The following THSD7A variants were observed in gnomAD, a reference collection of about 807,000 sequenced individuals.
The protein encoded by THSD7A is thrombospondin type-1 domain-containing protein 7A.
In THSD7A, 96 loss-of-function variants were observed where a neutral mutation model predicts 231.3. The observed-to-expected ratio is 0.41, with a 90% CI of 0.35 to 0.49. The LOEUF (loss-of-function observed/expected upper bound fraction) is 0.49. THSD7A is among the 20% of genes least tolerant of loss of function. THSD7A has a pLI of 0.05. For missense variants in THSD7A, 2,290 were observed against 2,070.2 expected (o/e 1.11, Z -2.06); for synonymous variants, 940 against 743.3 (o/e 1.26, Z -4.30).
chr7:11,552,805 TAAG>T (rs1304634837), intron 4 of THSD7A, among the ~76,000 whole-genome samples: 1 of 152,044 alleles, frequency 6.6e-6, no homozygotes, highest in African/African-American at 2.4e-5. Context: ...ATTTGCATAA[TAAG>T]ATTAGGGCTG....
At chr7:11,512,083 T>A (rs977365063) in intron 6 of THSD7A, among the ~76,000 whole-genome samples, 7 of 152,220 alleles carry the variant, frequency 4.6e-5, no homozygotes, top group Admixed American at 6.5e-5. Flanking sequence ...TGAACAAATT[T>A]AGAAGAAAAA....
intron 13 of THSD7A, among the ~76,000 whole-genome samples, chr7:11,435,064 A>T (rs979958446): frequency 2.6e-5 from 4 of 152,048 alleles, no homozygotes; most frequent in Non-Finnish European, 2.9e-5. Context: ...CATATCTGCT[A>T]AGTATTTATA....
At chr7:11,665,296 A>T (rs1783087085) in intron 1 of THSD7A, among the ~76,000 whole-genome samples, 1 of 152,036 alleles carries the variant, frequency 6.6e-6, no homozygotes, top group African/African-American at 2.4e-5. Context: ...ATTAATGTTA[A>T]TTGCCAATAA....
intron 1 of THSD7A, among the ~76,000 whole-genome samples, chr7:11,749,055 A>G (rs1029922450): frequency 6.6e-6 from 1 of 152,014 alleles, no homozygotes; most frequent in Non-Finnish European, 1.5e-5. Flanking sequence ...TGTTTAAACT[A>G]CAATTCAAAC....
chr7:11,462,064 A>G lies in THSD7A; in HGVS notation c.2448T>C (p.Asp816=), dbSNP rs779594284. The G allele has an allele frequency of 1.9e-6, 3 of 1,613,702 alleles. No individual in the cohort carries two copies. The highest frequency in any genetic ancestry group is 2.5e-6 in the Non-Finnish European group (3 of 1,179,728). Reference sequence around the variant, plus strand: ...CACAGGCCTTCTCTTCATAGAGGGGATCTGTGCAGTCTCGGCCCCCGTTGG... The same window carrying G: ...CACAGGCCTTCTCTTCATAGAGGGGGTCTGTGCAGTCTCGGCCCCCGTTGG... ...LPANGGRDCT[D]PLYEEKACEA... The change falls in exon 10 of 28, where the codon GAT becomes GAC. Residue 816 remains aspartate, a synonymous_variant. Transcript: ENST00000423059.
intron 1 of THSD7A, among the ~76,000 whole-genome samples, chr7:11,741,416 A>G (rs1782109008): frequency 6.6e-6 from 1 of 151,864 alleles, no homozygotes; most frequent in Non-Finnish European, 1.5e-5. Flanking sequence ...CCTTTCTTCC[A>G]TTGGTCAAGT....
chr7:11,800,697 G>A (rs1314517052), intron 1 of THSD7A, among the ~76,000 whole-genome samples: 2 of 152,316 alleles, frequency 1.3e-5, no homozygotes, highest in African/African-American at 4.8e-5. Flanking sequence ...TAGAAGCAGA[G>A]AATAGAATTT....
At chr7:11,585,700 C>T (rs139565824) in intron 4 of THSD7A, among the ~76,000 whole-genome samples, 5 of 152,200 alleles carry the variant, frequency 3.3e-5, no homozygotes, top group South Asian at 4.1e-4. Flanking sequence ...GAGCCTATTC[C>T]GTCAGTTTAG....
intron 19 of THSD7A, among the ~76,000 whole-genome samples, chr7:11,409,266 C>A (rs1255609804): frequency 1.3e-5 from 2 of 152,170 alleles, no homozygotes; most frequent in East Asian, 1.9e-4. Flanking sequence ...TGTTAGATAA[C>A]AATGCCATCT....
At position 11,827,768 on chromosome 7, in the gene THSD7A, T is replaced by C. The variant is rs1785074626; in HGVS notation, c.190+3989A>G. 1.3e-5 allele frequency among the ~76,000 whole-genome samples: 2 copies of C among 152,204 alleles called. 1 individual carries two copies. The highest frequency in any genetic ancestry group is 2.9e-5 in the Non-Finnish European group (2 of 68,034). On this transcript the variant is annotated intron_variant, in intron 1 of 27. Transcript: ENST00000423059. Reference sequence around the variant, plus strand: ...TTCACTAATTTTCCCATGAGATATATTGGTCTAAATATGTCATTGCTACCT... The same window carrying C: ...TTCACTAATTTTCCCATGAGATATACTGGTCTAAATATGTCATTGCTACCT...
intron 1 of THSD7A, among the ~76,000 whole-genome samples, chr7:11,826,140 T>C (rs933059921): frequency 6.6e-6 from 1 of 152,214 alleles, no homozygotes; most frequent in African/African-American, 2.4e-5. Context: ...ATGCAATTAC[T>C]ATGTAAAGGA....
intron 1 of THSD7A, among the ~76,000 whole-genome samples, chr7:11,752,945 AAT>A (rs1782550729): frequency 6.6e-6 from 1 of 151,862 alleles, no homozygotes; most frequent in Non-Finnish European, 1.5e-5. Context: ...TCAATCAATC[AAT>A]CAATCAATCA....
At chr7:11,613,193 T>G (rs142678921) in intron 2 of THSD7A, among the ~76,000 whole-genome samples, 1 of 152,314 alleles carries the variant, frequency 6.6e-6, no homozygotes, top group East Asian at 1.9e-4. Context: ...ACTTATTACA[T>G]TCAAAGTAAA....
rs1315023667 is a variant in THSD7A at position 11,832,013 on chromosome 7, G to A, written c.-67C>T. The A allele has an allele frequency of 2.8e-6, 3 of 1,073,290 alleles. No homozygotes were observed. In the Admixed American group the frequency reaches 1.3e-4, roughly 47 times the overall value. 66.5% of individuals were successfully genotyped at this position (1,073,290 alleles called of 1,614,324 possible). A position where few individuals can be genotyped will look rare whatever the true frequency, so the allele number is the denominator to read the frequency against. On this transcript the variant is annotated 5_prime_UTR_variant, in exon 1 of 28. Coordinates refer to ENST00000423059, the MANE Select transcript of THSD7A (RefSeq NM_015204.3). Reference sequence around the variant, plus strand: ...CGGCAGGGAATTTTTCTCCGCTCTTGGAACGTCTTTTCAAAGAGTACAGAA... The same window carrying A: ...CGGCAGGGAATTTTTCTCCGCTCTTAGAACGTCTTTTCAAAGAGTACAGAA...
intron 1 of THSD7A, among the ~76,000 whole-genome samples, chr7:11,765,655 G>A (rs1783008996): frequency 6.6e-6 from 1 of 152,084 alleles, no homozygotes; most frequent in Non-Finnish European, 1.5e-5. Context: ...CACTAAGTGA[G>A]ATTACTATGC....
rs1785869800 is a variant in THSD7A at position 11,469,966 on chromosome 7, C to T, written c.2281G>A (p.Val761Ile). 3 of 1,596,940 alleles carry T rather than the reference C, an allele frequency of 1.9e-6. No homozygotes were observed. The highest frequency in any genetic ancestry group is 3.4e-5 in the Admixed American group (2 of 58,120). ...TTACAAGGAAGCAGACAAGGCCTTA[C>T]AGTTTCAGGTCGAAGGCTTTCAGGA... is the stretch of plus-strand genomic sequence containing the variant. Reference protein sequence around the residue: ...KCPESLRPETVRPCLLPCKKD... With the variant: ...KCPESLRPETIRPCLLPCKKD... The change falls in exon 9 of 28, where the codon GTA becomes ATA. Residue 761 changes from valine (V) to isoleucine (I), a missense_variant. By Grantham distance (29) the Val-to-Ile change is conservative. Transcript: ENST00000423059.
Position 11,444,590 on chromosome 7 carries a change from C to T in THSD7A, c.3064+1471G>A, listed in dbSNP as rs1450448821. ...GCACAGGGAGGGGAACATCACACAC[C>T]GGGGTCTGTCAGGGGATGGGGGGCA... On this transcript the variant is annotated intron_variant, in intron 13 of 27. Coordinates refer to ENST00000423059, the MANE Select transcript of THSD7A (RefSeq NM_015204.3). The surrounding 1 kb of genome is among the most constrained non-coding windows in gnomAD (Gnocchi z 4.2). Among the ~76,000 whole-genome samples the T allele has an allele frequency of 2.6e-5, 4 of 151,700 alleles. No individual in the cohort carries two copies. The highest frequency in any genetic ancestry group is 5.9e-5 in the Non-Finnish European group (4 of 67,884).
intron 1 of THSD7A, among the ~76,000 whole-genome samples, chr7:11,825,058 A>AT (rs965160058): frequency 1.2e-4 from 17 of 146,030 alleles, no homozygotes; most frequent in African/African-American, 3.6e-4. Flanking sequence ...TTTTCTATAT[A>AT]TTTTTTTTTG....
At chr7:11,728,853 A>G (rs776579693) in intron 1 of THSD7A, among the ~76,000 whole-genome samples, 18 of 152,030 alleles carry the variant, frequency 1.2e-4, no homozygotes, top group Non-Finnish European at 2.1e-4. Flanking sequence ...TAAAAATTTT[A>G]TTAGTAAAGA....
Sources: allele counts gnomAD v4.1 joint callset (sites outside exome capture counted in the v4.1 genomes callset), GRCh38; gene constraint gnomAD v4.1.1; non-coding constraint Gnocchi (gnomAD v3.1); transcripts MANE v1.5; gene names NCBI Gene and HGNC (gene_info 2026-07-23, HGNC 2026-07-21).